Variants in DPP10 observed in about 807,000 individuals in gnomAD.
The protein encoded by DPP10 is dipeptidyl peptidase like 10.
Under a neutral mutation model 120.9 loss-of-function variants are expected in DPP10, and 33 were observed. That is an observed-to-expected ratio of 0.27 (90% CI 0.21 to 0.37). The LOEUF is 0.37. Among genes scored for constraint, DPP10 ranks in the 10% least tolerant of loss-of-function variants. The pLI, the probability that DPP10 is intolerant of heterozygous loss-of-function variation, is 1.00. For synonymous variants in DPP10, 337 were observed against 326.1 expected, an observed-to-expected ratio of 1.03 and a Z score of -0.36; for missense variants, 816 against 942.8, an observed-to-expected ratio of 0.87 and a Z score of 1.76.
chr2:115,425,269 A>C lies in DPP10; in HGVS notation c.272-74241A>C, dbSNP rs551887771. Among the ~76,000 whole-genome samples, 15 of 152,308 alleles carry C rather than the reference A, an allele frequency of 9.8e-5. No individual in the cohort carries two copies. In the South Asian group the frequency reaches 3.1e-3, roughly 32 times the overall value. Reference sequence around the variant, plus strand: ...TAGATGGATGCTAGACAATTCTAGAAACGTATCTAGGCATTAAAAATGATT... The same window carrying C: ...TAGATGGATGCTAGACAATTCTAGACACGTATCTAGGCATTAAAAATGATT... On this transcript the variant is annotated intron_variant, in intron 3 of 25. Coordinates refer to ENST00000410059, the MANE Select transcript of DPP10 (RefSeq NM_020868.6).
rs1363211390 is a variant in DPP10 at position 115,660,439 on chromosome 2, C to T, written c.442-29248C>T. On this transcript the variant is annotated intron_variant, in intron 5 of 25. Transcript: ENST00000410059. ...TACAAAGTTGTTTTGGCGTCCAAAA[C>T]TTAATTGTATAAATATCTCCAGGGG... is the stretch of plus-strand genomic sequence containing the variant. 3.9e-5 allele frequency among the ~76,000 whole-genome samples: 6 copies of T among 152,226 alleles called. No individual in the cohort carries two copies. The East Asian group carries it at 1.2e-3, about 29-fold the overall frequency.
intron 5 of DPP10, among the ~76,000 whole-genome samples, chr2:115,655,072 C>T (rs1391437803): frequency 6.6e-6 from 1 of 151,514 alleles, no homozygotes; most frequent in African/African-American, 2.4e-5. Context: ...ATTAATGTTT[C>T]TTTGCAACTT....
chr2:114,757,245 G>A (rs535269655), intron 1 of DPP10, among the ~76,000 whole-genome samples: 100 of 131,784 alleles, frequency 7.6e-4, no homozygotes, highest in African/African-American at 2.8e-3. Flanking sequence ...GAGGAAGGAA[G>A]GAAAGAAAGG....
intron 3 of DPP10, among the ~76,000 whole-genome samples, chr2:115,461,157 G>A (rs1048947008): frequency 4.0e-5 from 6 of 151,860 alleles, no homozygotes; most frequent in African/African-American, 1.2e-4. Flanking sequence ...CTAATATCTT[G>A]TCATCTCAAA....
intron 1 of DPP10, among the ~76,000 whole-genome samples, chr2:114,448,592 C>T (rs1247008241): frequency 1.3e-5 from 2 of 152,116 alleles, no homozygotes; most frequent in African/African-American, 2.4e-5. Flanking sequence ...GGGGTAGGGC[C>T]CAGCAATCTT....
chr2:115,822,072 G>A (rs1687872662), intron 21 of DPP10, among the ~76,000 whole-genome samples: 1 of 151,932 alleles, frequency 6.6e-6, no homozygotes, highest in African/African-American at 2.4e-5. Flanking sequence ...CACAACTGAT[G>A]AATAGTGGGA....
intron 3 of DPP10, among the ~76,000 whole-genome samples, chr2:115,392,509 C>G (rs1185298436): frequency 6.6e-6 from 1 of 152,064 alleles, no homozygotes; most frequent in Non-Finnish European, 1.5e-5. Flanking sequence ...TACATAATTA[C>G]ACTCATCCTC....
intron 1 of DPP10, among the ~76,000 whole-genome samples, chr2:115,173,865 A>G (rs1474814532): frequency 2.0e-5 from 3 of 152,198 alleles, no homozygotes; most frequent in Non-Finnish European, 4.4e-5. Flanking sequence ...GAGAACGATA[A>G]AGGCTGATTT....
intron 1 of DPP10, among the ~76,000 whole-genome samples, chr2:114,642,534 C>A (rs887910352): frequency 1.3e-5 from 2 of 151,828 alleles, no homozygotes; most frequent in African/African-American, 4.9e-5. Context: ...AAGTTTCTCC[C>A]AGGAGGTTGC....
At chr2:115,233,229 G>A (rs978556926) in intron 1 of DPP10, among the ~76,000 whole-genome samples, 212 of 152,144 alleles carry the variant, frequency 1.4e-3, no homozygotes, top group African/African-American at 4.9e-3. Flanking sequence ...GTGTGTGTGT[G>A]TGTGTGTGTG....
chr2:115,429,971 G>C (rs550991707), intron 3 of DPP10, among the ~76,000 whole-genome samples: 1 of 152,250 alleles, frequency 6.6e-6, no homozygotes, highest in South Asian at 2.1e-4. Flanking sequence ...CACTTTTTAT[G>C]ACAAGCGCTA....
intron 8 of DPP10, among the ~76,000 whole-genome samples, chr2:115,733,600 A>G (rs891019354): frequency 2.0e-5 from 3 of 152,152 alleles, no homozygotes; most frequent in Non-Finnish European, 4.4e-5. Flanking sequence ...GAAAAAAAAA[A>G]AAAAATCAAC....
intron 1 of DPP10, among the ~76,000 whole-genome samples, chr2:114,988,849 T>C (rs1166583118): frequency 2.6e-5 from 4 of 152,170 alleles, no homozygotes; most frequent in Non-Finnish European, 5.9e-5. Context: ...GAAATCACTG[T>C]AGCAATTTCA....
chr2:115,316,133 G>A (rs949265149), intron 2 of DPP10, among the ~76,000 whole-genome samples: 1 of 152,132 alleles, frequency 6.6e-6, no homozygotes, highest in Non-Finnish European at 1.5e-5. Context: ...GTTGTACTAA[G>A]TGCTTTACAT....
chr2:115,206,931 G>A (rs1298625469), intron 1 of DPP10, among the ~76,000 whole-genome samples: 4 of 152,148 alleles, frequency 2.6e-5, no homozygotes, highest in Non-Finnish European at 5.9e-5. Flanking sequence ...GTTATCATAA[G>A]ACCTAATAGA....
At chr2:115,278,657 G>A (rs1054174847) in intron 1 of DPP10, among the ~76,000 whole-genome samples, 1 of 152,076 alleles carries the variant, frequency 6.6e-6, no homozygotes, top group Non-Finnish European at 1.5e-5. Context: ...CATGGGGGCA[G>A]GTGGGTGATA....
At chr2:115,468,785 G>A in intron 3 of DPP10, 1 of 449,898 alleles carries the variant, frequency 2.2e-6, no homozygotes, top group Non-Finnish European at 4.4e-6. Flanking sequence ...GGCTGAAGTT[G>A]CAGACTGGTC....
intron 1 of DPP10, among the ~76,000 whole-genome samples, chr2:114,985,117 T>G (rs1700316613): frequency 6.6e-6 from 1 of 152,190 alleles, no homozygotes; most frequent in Non-Finnish European, 1.5e-5. Flanking sequence ...TCTAACTCCA[T>G]CTCATCTCTT....
intron 5 of DPP10, among the ~76,000 whole-genome samples, chr2:115,599,426 T>C (rs767972488): frequency 7.2e-5 from 11 of 152,206 alleles, no homozygotes; most frequent in Admixed American, 2.0e-4. Flanking sequence ...TCAAGTTCAC[T>C]GGCCATTTTC....
Sources: allele counts gnomAD v4.1 joint callset (sites outside exome capture counted in the v4.1 genomes callset), GRCh38; gene constraint gnomAD v4.1.1; transcripts MANE v1.5; gene names NCBI Gene and HGNC (gene_info 2026-07-23, HGNC 2026-07-21).